POLR1C: variants seen among roughly 807,000 people sequenced by gnomAD.
The protein encoded by POLR1C is RNA polymerase I and III subunit C, also known as DNA-directed RNA polymerases I and III subunit RPAC1.
In POLR1C, 42 loss-of-function variants were observed where a neutral mutation model predicts 38.3. The ratio of observed to expected loss-of-function variants is 1.10; its 90% CI spans 0.86 to 1.42. POLR1C has a LOEUF of 1.42. POLR1C is among the 40% of genes most tolerant of loss of function. The probability of loss-of-function intolerance (pLI) is 0.00; values close to 1 mark genes in which losing one functional copy is unlikely to be tolerated. For missense variants in POLR1C, 507 were observed against 450.5 expected (o/e 1.13, Z -1.14); for synonymous variants, 163 against 163.9 (o/e 0.99, Z 0.04).
At chr6:43,523,925 C>T, downstream of POLR1C, 2 of 1,614,054 alleles carry the variant, frequency 1.2e-6, no homozygotes, top group Non-Finnish European at 1.7e-6. Context: ...CCTCCGTCTC[C>T]AGCATTGGCT....
intron 10 of POLR1C, among the ~76,000 whole-genome samples, chr6:43,552,992 T>A (rs940742600): frequency 6.6e-6 from 1 of 152,152 alleles, no homozygotes; most frequent in Non-Finnish European, 1.5e-5. Flanking sequence ...TTCTGTAAGA[T>A]GTACATCCAT....
At chr6:43,529,378 TAAAAAAAAAAAA>T (rs35493258) in exon 9 of POLR1C, 1 of 121,292 alleles carries the variant, frequency 8.2e-6, no homozygotes. Context: ...CCGTCTCTAC[TAAAAAAAAAAAA>T]AAAAAAAAAA....
chr6:43,560,216 G>A (rs1247609112), intron 10 of POLR1C: 2 of 1,612,318 alleles, frequency 1.2e-6, no homozygotes, highest in East Asian at 2.2e-5. Flanking sequence ...AGATATTTTG[G>A]TATTATTGCT....
At chr6:43,528,815 A>AC in intron 8 of POLR1C, 2 of 1,611,946 alleles carry the variant, frequency 1.2e-6, no homozygotes, top group East Asian at 4.5e-5. Context: ...CCTGTTCCTG[A>AC]CTTATCTCTT....
intron 9 of POLR1C, among the ~76,000 whole-genome samples, chr6:43,536,604 C>A (rs1169431717): frequency 6.6e-6 from 1 of 151,028 alleles, no homozygotes; most frequent in Non-Finnish European, 1.5e-5. Flanking sequence ...ACTAAGAATA[C>A]AGAAATTAGC....
downstream of POLR1C, chr6:43,531,433 T>C (rs538262145): frequency 2.6e-5 from 41 of 1,548,992 alleles, no homozygotes; most frequent in South Asian, 3.9e-4. Context: ...TCCTATACAA[T>C]ACATATCGAG....
intron 8 of POLR1C, chr6:43,526,864 G>A (rs572803106): frequency 9.8e-7 from 1 of 1,022,028 alleles, no homozygotes; most frequent in Non-Finnish European, 1.5e-6. Context: ...GGAAGATGGG[G>A]GTACCGTCCA....
intron 10 of POLR1C, chr6:43,553,285 G>A: frequency 6.9e-7 from 1 of 1,455,122 alleles, no homozygotes; most frequent in East Asian, 2.5e-5. Flanking sequence ...CTGAGCAACA[G>A]AGAGATATAG....
chr6:43,527,396 T>G (rs994646550), intron 8 of POLR1C: 1 of 349,624 alleles, frequency 2.9e-6, no homozygotes, highest in Non-Finnish European at 5.3e-6. Context: ...CTCAGCCTCC[T>G]GAGTAGCTGG....
intron 9 of POLR1C, among the ~76,000 whole-genome samples, chr6:43,538,114 T>C: frequency 7.0e-6 from 1 of 143,316 alleles, no homozygotes; most frequent in African/African-American, 2.6e-5. Flanking sequence ...GCAAGGAACT[T>C]ATAAATTTAG....
intron 8 of POLR1C, chr6:43,527,517 C>T (rs1466506131): frequency 1.6e-5 from 16 of 997,168 alleles, no homozygotes; most frequent in South Asian, 4.6e-5. Context: ...CGCAATCCAC[C>T]ATGCCCGCCG....
downstream of POLR1C, among the ~76,000 whole-genome samples, chr6:43,530,117 C>T (rs1022853617): frequency 1.6e-4 from 25 of 152,038 alleles, no homozygotes; most frequent in African/African-American, 6.0e-4. Flanking sequence ...ATTAGCTGGG[C>T]GTAGTAGCAT....
rs1156884252 is a variant in POLR1C at position 43,536,758 on chromosome 6, T to TAAAAAAAAAAAA, written c.*4+7420_*4+7431dup. Among the ~76,000 whole-genome samples, 14 of 19,100 alleles carry TAAAAAAAAAAAA rather than the reference T, an allele frequency of 7.3e-4. 2 individuals carry two copies. Among genetic ancestry groups the TAAAAAAAAAAAA allele is most frequent in the African/African-American group, 1.7e-3 (7 of 4,094 alleles). 12.5% of individuals were successfully genotyped at this position (19,100 alleles called of 152,430 possible). ...CTGGACGACAGAGTGAGACTCTATC[T>TAAAAAAAAAAAA]AAAAAAAAAAAAAAAAAAAAAAAAA... On this transcript the variant is annotated intron_variant, in intron 9 of 10. Coordinates refer to the POLR1C transcript ENST00000607635.
At chr6:43,524,695 T>C (rs994025160), downstream of POLR1C, 109 of 1,593,354 alleles carry the variant, frequency 6.8e-5, no homozygotes, top group Non-Finnish European at 9.1e-5. Flanking sequence ...CCCTCCCCAT[T>C]TCCTGCCACA....
At chr6:43,551,225 C>CA (rs1228043635) in intron 10 of POLR1C, 5 of 1,417,594 alleles carry the variant, frequency 3.5e-6, no homozygotes, top group Admixed American at 5.6e-5. Flanking sequence ...ATCCTGTCTC[C>CA]AAAAAAATAA....
rs373347390 is a variant in POLR1C, at chr6:43,551,334, G to C, written c.*48+323G>C. The C allele has an allele frequency of 1.0e-4, 167 of 1,613,762 alleles. No homozygotes were observed. The highest frequency in any genetic ancestry group is 1.6e-4 in the Middle Eastern group (1 of 6,084). On this transcript the variant is annotated intron_variant, in intron 10 of 10. Transcript: ENST00000607635. ...CCTGGGGCAGGAACTCTGGTCTGTA[G>C]GTGACAAATGGAAAGAGTGCAGAGA...
chr6:43,555,822 T>C (rs533394310), intron 10 of POLR1C: 69 of 1,613,628 alleles, frequency 4.3e-5, no homozygotes, highest in South Asian at 3.5e-4. Context: ...CATTCAGTAA[T>C]GAAAAAAACT....
exon 11 of POLR1C, chr6:43,562,168 A>AC: frequency 8.8e-7 from 1 of 1,137,744 alleles, no homozygotes; most frequent in Admixed American, 2.2e-5. Context: ...GACATTTGCA[A>AC]CCCCTCATTG....
At chr6:43,526,547 A>C in intron 8 of POLR1C, 1 of 941,594 alleles carries the variant, frequency 1.1e-6, no homozygotes, top group Non-Finnish European at 1.7e-6. Context: ...GGCACACAGC[A>C]AGAGGGCTGG....
Sources: allele counts gnomAD v4.1 joint callset (sites outside exome capture counted in the v4.1 genomes callset), GRCh38; gene constraint gnomAD v4.1.1; transcripts MANE v1.5; gene names NCBI Gene and HGNC (gene_info 2026-07-23, HGNC 2026-07-21).